Variants in HNMT observed in about 807,000 individuals in gnomAD.
HNMT encodes the protein histamine N-methyltransferase.
A neutral mutation model predicts 32.1 loss-of-function variants in HNMT; 30 were observed. That is an observed-to-expected ratio of 0.93 (90% CI 0.70 to 1.27). The LOEUF is 1.27. Among genes scored for constraint, HNMT ranks in the 50% most tolerant of loss-of-function variants. The pLI is 0.00. For missense variants in HNMT, 327 were observed against 346.0 expected (o/e 0.95, Z 0.43); for synonymous variants, 125 against 119.0 (o/e 1.05, Z -0.33).
rs1452630229 is a variant in HNMT at position 138,015,411 on chromosome 2, T to C, written c.*1281T>C. Reference sequence around the variant, plus strand: ...TTCATGCAATAGGGCTTCCATGTAATGTTGCCGTATAATCACTTTAAAAAG... The same window carrying C: ...TTCATGCAATAGGGCTTCCATGTAACGTTGCCGTATAATCACTTTAAAAAG... On this transcript the variant is annotated 3_prime_UTR_variant, in exon 6 of 6. Coordinates refer to ENST00000280097, the MANE Select transcript of HNMT (RefSeq NM_006895.3). 1.3e-5 allele frequency: 2 copies of C among 152,116 alleles called. No homozygotes were observed. Among genetic ancestry groups the C allele is most frequent in the Non-Finnish European group, 2.9e-5 (2 of 68,032 alleles). 9.4% of individuals were successfully genotyped at this position (152,116 alleles called of 1,614,324 possible). A position where few individuals can be genotyped will look rare whatever the true frequency, so the allele number is the denominator to read the frequency against.
chr2:137,969,281 A>G (rs377214956), intron 1 of HNMT, among the ~76,000 whole-genome samples: 4 of 152,102 alleles, frequency 2.6e-5, no homozygotes, highest in African/African-American at 9.7e-5. Flanking sequence ...ATAACTCTGC[A>G]ATATCTTTGG....
intron 5 of HNMT, among the ~76,000 whole-genome samples, chr2:138,011,937 C>T (rs1306662806): frequency 2.0e-5 from 3 of 152,110 alleles, no homozygotes; most frequent in African/African-American, 7.2e-5. Flanking sequence ...GAAAGCCAGG[C>T]TTCATACTCA....
chr2:137,983,468 CA>C (rs111980791), intron 2 of HNMT, among the ~76,000 whole-genome samples: 2,505 of 150,878 alleles, frequency 0.017, 74 homozygotes, highest in African/African-American at 0.057. Flanking sequence ...TTGTAGGGAA[CA>C]AAAAAAAATT....
At chr2:137,994,106 C>T (rs1680910058) in intron 2 of HNMT, among the ~76,000 whole-genome samples, 1 of 152,158 alleles carries the variant, frequency 6.6e-6, no homozygotes, top group Non-Finnish European at 1.5e-5. Flanking sequence ...GAAGAAACTG[C>T]AACAACTAGT....
At chr2:137,968,826 T>C (rs1488019976) in intron 1 of HNMT, among the ~76,000 whole-genome samples, 1 of 152,226 alleles carries the variant, frequency 6.6e-6, no homozygotes, top group African/African-American at 2.4e-5. Flanking sequence ...ATCCTGTGAC[T>C]GAGCAGGCTT....
chr2:137,983,764 G>A (rs750943033), intron 2 of HNMT, among the ~76,000 whole-genome samples: 2 of 152,190 alleles, frequency 1.3e-5, no homozygotes, highest in African/African-American at 2.4e-5. Context: ...ATATGAGTAA[G>A]TTTGTTTGCA....
rs1471002 is a variant in HNMT at position 137,967,526 on chromosome 2, A to G, written c.138-2639A>G. ...AACTTTTTAGAATCTTCTTACGTCT[A>G]GTATTCTGAAATTTTAAAATACTGA... On this transcript the variant is annotated intron_variant, in intron 1 of 5. Coordinates refer to ENST00000280097, the MANE Select transcript of HNMT (RefSeq NM_006895.3). The G allele has an allele frequency of 9.5e-3, 1,523 of 160,386 alleles. 21 individuals are homozygous for G. Among genetic ancestry groups the G allele is most frequent in the African/African-American group, 0.033 (1,398 of 41,840 alleles). 9.9% of individuals were successfully genotyped at this position (160,386 alleles called of 1,614,324 possible). A position where few individuals can be genotyped will look rare whatever the true frequency, so the allele number is the denominator to read the frequency against.
chr2:137,990,556 T>C (rs1469150135), intron 2 of HNMT, among the ~76,000 whole-genome samples: 1 of 152,178 alleles, frequency 6.6e-6, no homozygotes, highest in East Asian at 1.9e-4. Context: ...CCATATTATA[T>C]TGCAGATTAT....
Position 137,964,511 on chromosome 2 carries a change from G to A in HNMT, c.20G>A (p.Ser7Asn), listed in dbSNP as rs1391310698. MASSMR[S>N]LFSDHGKYVE... The stretch of plus-strand genomic sequence containing the variant: ...CCAAATATGGCATCTTCCATGAGGA[G>A]CTTGTTTTCTGACCACGGGAAATAT... Residue 7 changes from serine (S) to asparagine (N), a missense_variant, in exon 1 of 6, where the codon AGC becomes AAC. Coordinates refer to ENST00000280097, the MANE Select transcript of HNMT (RefSeq NM_006895.3). 2 of 1,613,732 alleles carry A rather than the reference G, an allele frequency of 1.2e-6. No homozygotes were observed. The highest frequency in any genetic ancestry group is 4.5e-5 in the East Asian group (2 of 44,848).
At chr2:137,967,028 G>A (rs201639068) in intron 1 of HNMT, 14 of 776,344 alleles carry the variant, frequency 1.8e-5, no homozygotes, top group African/African-American at 8.5e-5. Context: ...CGTTTGACTG[G>A]ATATAGAACT....
intron 5 of HNMT, 51 bp downstream of exon 5, chr2:138,005,276 T>C: frequency 2.1e-6 from 2 of 938,572 alleles, no homozygotes; most frequent in Non-Finnish European, 3.5e-6. Flanking sequence ...AATACACGTA[T>C]GCATGGATTC....
chr2:138,002,215 T>C lies in HNMT; in HGVS notation c.429+21T>C, dbSNP rs778387989. On this transcript the variant is annotated intron_variant, in intron 4 of 5. Transcript: ENST00000280097. Reference sequence around the variant, plus strand: ...TTCAAGTAAGAAATATGTATTATAATATATACTCAGAAAGAAGACTTTTCA... The same window carrying C: ...TTCAAGTAAGAAATATGTATTATAACATATACTCAGAAAGAAGACTTTTCA... The C allele has an allele frequency of 2.8e-6, 4 of 1,417,410 alleles. No homozygotes were observed. In the South Asian group the frequency reaches 5.7e-5, roughly 20 times the overall value. The allele number at this position is 1,417,410 out of a possible 1,614,324, so 87.8% of individuals were successfully genotyped here. A position where few individuals can be genotyped will look rare whatever the true frequency, so the allele number is the denominator to read the frequency against.
chr2:137,982,981 AAG>A (rs1680547720), intron 2 of HNMT, among the ~76,000 whole-genome samples: 10 of 152,366 alleles, frequency 6.6e-5, no homozygotes, highest in South Asian at 6.2e-4. Flanking sequence ...CAGATGGTTT[AAG>A]ATGCATTTCA....
At chr2:138,010,440 C>T (rs897620681) in intron 5 of HNMT, among the ~76,000 whole-genome samples, 13 of 94,298 alleles carry the variant, frequency 1.4e-4, no homozygotes, top group Non-Finnish European at 1.4e-4. Context: ...AAAAGACACA[C>T]GCACACACAC....
intron 1 of HNMT, 96 bp from the exon 2 acceptor site, chr2:137,970,069 G>A: frequency 1.6e-6 from 1 of 608,056 alleles, no homozygotes; most frequent in Non-Finnish European, 2.9e-6. Flanking sequence ...TTCATTCATT[G>A]TATTTTTAGT....
At chr2:137,969,202 C>G (rs544594187) in intron 1 of HNMT, among the ~76,000 whole-genome samples, 254 of 152,202 alleles carry the variant, frequency 1.7e-3, no homozygotes, top group Non-Finnish European at 1.6e-3. Flanking sequence ...TCTTCTCTGT[C>G]TTCTTTGTAT....
In HNMT at chr2:137,964,584, C is replaced by T; in HGVS notation, c.93C>T (p.Cys31=). 1 of 1,613,642 alleles carries T rather than the reference C, an allele frequency of 6.2e-7. No individual in the cohort carries two copies. ...TCAACCATTCCACGGAACACCAGTG[C>T]ATGCAGGAATTCATGGACAAGAAGC... The part of the protein sequence containing the change: ...RFLNHSTEHQ[C]MQEFMDKKLP... The change falls in exon 1 of 6, where the codon TGC becomes TGT. Residue 31 remains cysteine, a synonymous_variant. Coordinates refer to ENST00000280097, the MANE Select transcript of HNMT (RefSeq NM_006895.3).
intron 4 of HNMT, among the ~76,000 whole-genome samples, chr2:138,003,433 A>G (rs3100720): frequency 0.27 from 40,812 of 151,930 alleles, 5,928 homozygotes; most frequent in African/African-American, 0.36. Flanking sequence ...TACAATGATA[A>G]TCACCCCAAA....
chr2:137,969,377 C>T (rs569801582), intron 1 of HNMT, among the ~76,000 whole-genome samples: 1 of 152,284 alleles, frequency 6.6e-6, no homozygotes, highest in East Asian at 1.9e-4. Flanking sequence ...TTTCTCTCCT[C>T]CCAGCTTAAA....
Sources: allele counts gnomAD v4.1 joint callset (sites outside exome capture counted in the v4.1 genomes callset), GRCh38; gene constraint gnomAD v4.1.1; transcripts MANE v1.5; gene names NCBI Gene and HGNC (gene_info 2026-07-23, HGNC 2026-07-21).